Variants in RCOR1 observed in about 807,000 individuals in gnomAD.
RCOR1 encodes the protein REST corepressor.
Under a neutral mutation model 64.0 loss-of-function variants are expected in RCOR1, and 12 were observed. The observed-to-expected ratio is 0.19, with a 90% confidence interval of 0.12 to 0.30. The LOEUF is 0.30. Among genes scored for constraint, RCOR1 ranks in the 10% least tolerant of loss-of-function variants. The pLI is 1.00. For missense variants in RCOR1, 502 were observed against 621.2 expected (o/e 0.81, Z 2.04); for synonymous variants, 279 against 227.2 (o/e 1.23, Z -2.05).
At chr14:102,612,222 A>G (rs1006956657) in intron 2 of RCOR1, among the ~76,000 whole-genome samples, 1 of 151,392 alleles carries the variant, frequency 6.6e-6, no homozygotes, top group South Asian at 2.1e-4. Flanking sequence ...AGATTTTGCC[A>G]TGTTGCCCAG....
intron 8 of RCOR1, among the ~76,000 whole-genome samples, chr14:102,719,047 C>G (rs1170497762): frequency 6.6e-6 from 1 of 152,122 alleles, no homozygotes; most frequent in Admixed American, 6.6e-5. Flanking sequence ...CTGCCTTGGC[C>G]TCCCAAAGGG....
intron 4 of RCOR1, among the ~76,000 whole-genome samples, chr14:102,704,778 T>A (rs1364287650): frequency 6.6e-6 from 1 of 152,118 alleles, no homozygotes; most frequent in Non-Finnish European, 1.5e-5. Flanking sequence ...CATGTGGTCA[T>A]CAGAAATAAG....
At chr14:102,608,474 G>T (rs1235303207) in intron 2 of RCOR1, among the ~76,000 whole-genome samples, 2 of 151,888 alleles carry the variant, frequency 1.3e-5, no homozygotes, top group South Asian at 2.1e-4. Flanking sequence ...TTGCTCTGTC[G>T]TCCAGGCTGA....
At chr14:102,659,013 G>A (rs1278775203) in intron 2 of RCOR1, 2 of 590,572 alleles carry the variant, frequency 3.4e-6, no homozygotes, top group African/African-American at 4.1e-5. Flanking sequence ...CTACACTCAA[G>A]TCGGGGAGAT....
intron 2 of RCOR1, among the ~76,000 whole-genome samples, chr14:102,599,663 C>T (rs1893343852): frequency 6.6e-6 from 1 of 152,110 alleles, no homozygotes; most frequent in Non-Finnish European, 1.5e-5. Flanking sequence ...GTTATGTTTT[C>T]ATGTGGAATA....
chr14:102,705,510 T>G (rs1190551865), intron 4 of RCOR1, among the ~76,000 whole-genome samples: 1 of 152,164 alleles, frequency 6.6e-6, no homozygotes, highest in Non-Finnish European at 1.5e-5. Context: ...AGTGGTGTGA[T>G]CATAGCTCAC....
At chr14:102,641,754 A>G (rs558263643) in intron 2 of RCOR1, among the ~76,000 whole-genome samples, 2 of 152,316 alleles carry the variant, frequency 1.3e-5, no homozygotes, top group South Asian at 2.1e-4. Context: ...TTTCTTGCCC[A>G]CTAACATGTA....
intron 2 of RCOR1, among the ~76,000 whole-genome samples, chr14:102,600,311 G>A (rs541364274): frequency 1.8e-4 from 28 of 151,936 alleles, no homozygotes; most frequent in African/African-American, 6.3e-4. Context: ...TCCTGACCTC[G>A]TGATCCGCCC....
At chr14:102,663,760 T>C (rs1038127241) in intron 2 of RCOR1, among the ~76,000 whole-genome samples, 2 of 152,200 alleles carry the variant, frequency 1.3e-5, no homozygotes, top group Non-Finnish European at 2.9e-5. Flanking sequence ...GTGAAATTAA[T>C]TGGTCTCTGA....
intron 4 of RCOR1, among the ~76,000 whole-genome samples, chr14:102,701,666 T>C (rs1595237331): frequency 6.6e-6 from 1 of 152,310 alleles, no homozygotes; most frequent in East Asian, 1.9e-4. Context: ...TATCATGATG[T>C]TTTTTGACGC....
chr14:102,656,476 G>C (rs984520256), intron 2 of RCOR1, among the ~76,000 whole-genome samples: 4 of 150,746 alleles, frequency 2.7e-5, no homozygotes, highest in Non-Finnish European at 5.9e-5. Context: ...CTGTTTTTTT[G>C]TTTATTTGTT....
chr14:102,630,428 A>G (rs1455108588), intron 2 of RCOR1, among the ~76,000 whole-genome samples: 3 of 152,220 alleles, frequency 2.0e-5, no homozygotes, highest in African/African-American at 7.2e-5. Flanking sequence ...TAGGAACACT[A>G]AAGGGACTAA....
At position 102,592,962 on chromosome 14, in the gene RCOR1, TCCGCCG is replaced by T. The variant is rs770589339; in HGVS notation, c.85_90del (p.Ala29_Ala30del). 178 of 1,166,106 alleles carry T rather than the reference TCCGCCG, an allele frequency of 1.5e-4. 2 individuals are homozygous for T. The highest frequency in any genetic ancestry group is 1.2e-3 in the African/African-American group (72 of 60,476). The allele number at this position is 1,166,106 out of a possible 1,614,324, so 72.2% of individuals were successfully genotyped here. On this transcript the variant is annotated inframe_deletion, in exon 1 of 12. Transcript: ENST00000262241. ...GAGGAACAACGCGGCCGCCTCCGCC[TCCGCCG>T]CCGCCGCCTCCGCCGCCGCCTCGGC...
At chr14:102,720,907 C>A in intron 8 of RCOR1, 100 bp from the exon 9 acceptor site, 2 of 623,892 alleles carry the variant, frequency 3.2e-6, no homozygotes, top group South Asian at 2.3e-5. Context: ...TTAGTAACGT[C>A]TTTACTCTTG....
chr14:102,680,797 T>G (rs1288948387), intron 2 of RCOR1, among the ~76,000 whole-genome samples: 2 of 152,176 alleles, frequency 1.3e-5, no homozygotes, highest in African/African-American at 4.8e-5. Context: ...TGAGTGAGAC[T>G]GTCTCAAAAA....
intron 2 of RCOR1, among the ~76,000 whole-genome samples, chr14:102,639,049 C>G (rs1160582249): frequency 6.6e-6 from 1 of 152,198 alleles, no homozygotes; most frequent in Admixed American, 6.6e-5. Flanking sequence ...CTGTTCATGA[C>G]TGTATCCATG....
chr14:102,594,322 G>A (rs773928734), intron 2 of RCOR1, among the ~76,000 whole-genome samples: 9 of 151,356 alleles, frequency 5.9e-5, no homozygotes, highest in Non-Finnish European at 1.2e-4. Flanking sequence ...TAGAGCTGGG[G>A]TTCTGTATGT....
chr14:102,711,873 C>T (rs1483455596), intron 7 of RCOR1, among the ~76,000 whole-genome samples: 2 of 152,088 alleles, frequency 1.3e-5, no homozygotes, highest in Admixed American at 6.5e-5. Flanking sequence ...CTTTTGGTGA[C>T]TTTTTCCTGA....
chr14:102,727,933 T>TTTGTTG lies in RCOR1; in HGVS notation c.*1442_*1447dup, dbSNP rs577408404. 2 of 152,566 alleles carry TTTGTTG rather than the reference T, an allele frequency of 1.3e-5. No homozygotes were observed. Among genetic ancestry groups the TTTGTTG allele is most frequent in the South Asian group, 2.1e-4 (1 of 4,812 alleles). The allele number at this position is 152,566 out of a possible 1,614,324, so 9.5% of individuals were successfully genotyped here. On this transcript the variant is annotated 3_prime_UTR_variant, in exon 12 of 12. Transcript: ENST00000262241. Reference sequence around the variant, plus strand: ...CTGCACTCAATACGCTGAAGTCGCTTTTGTTGTTGTTGTTGTTGTTTGCAT... The same window carrying TTTGTTG: ...CTGCACTCAATACGCTGAAGTCGCTTTTGTTGTTGTTGTTGTTGTTGTTGTTTGCAT...
Sources: allele counts gnomAD v4.1 joint callset (sites outside exome capture counted in the v4.1 genomes callset), GRCh38; gene constraint gnomAD v4.1.1; transcripts MANE v1.5; gene names NCBI Gene and HGNC (gene_info 2026-07-23, HGNC 2026-07-21).